The following ADAM22 variants were observed in gnomAD, a reference collection of about 807,000 sequenced individuals.
ADAM22 encodes the protein disintegrin and metalloproteinase domain-containing protein 22.
ADAM22 carries 65 observed loss-of-function variants against 144.6 expected under a neutral mutation model. The ratio of observed to expected loss-of-function variants is 0.45; its 90% confidence interval spans 0.37 to 0.55. ADAM22 has a LOEUF of 0.55. Among genes scored for constraint, ADAM22 ranks in the 20% least tolerant of loss-of-function variants. The pLI, the probability that ADAM22 is intolerant of heterozygous loss-of-function variation, is 0.00. For missense variants in ADAM22, 974 were observed against 1,184.9 expected (o/e 0.82, Z 2.61); for synonymous variants, 391 against 412.6 (o/e 0.95, Z 0.63).
rs374296595 is a variant in ADAM22 at position 88,130,385 on chromosome 7, C to T, written c.754-3C>T. The T allele has an allele frequency of 6.8e-6, 11 of 1,609,488 alleles. No homozygotes were observed. In the Admixed American group the frequency reaches 8.4e-5, roughly 12 times the overall value. On this transcript the variant is annotated splice_region_variant and splice_polypyrimidine_tract_variant and intron_variant, in intron 9 of 31. Coordinates refer to ENST00000413139, the MANE Select transcript of ADAM22 (RefSeq NM_001324418.2). The stretch of plus-strand genomic sequence containing the variant: ...ACCTTCACTTGTTTTCTTTTGCTTT[C>T]AGTTTAAAAAACATCGGCTTTCCGT...
chr7:88,043,458 C>G (rs1169421941), intron 3 of ADAM22, among the ~76,000 whole-genome samples: 1 of 148,588 alleles, frequency 6.7e-6, no homozygotes, highest in Admixed American at 6.8e-5. Context: ...GCACTCCAGC[C>G]TGGGTGACTG....
rs1334272599 is a variant in ADAM22, at chr7:87,934,488, C to T, written c.23C>T (p.Ser8Phe). The stretch of plus-strand genomic sequence containing the variant: ...ACCATGCAGGCGGCAGTGGCTGTGT[C>T]CGTGCCCTTCTTGCTGCTCTGTGTC... MQAAVAV[S>F]VPFLLLCVLG... The change falls in exon 1 of 32, where the codon TCC becomes TTC. Residue 8 changes from serine to phenylalanine, a missense_variant. Coordinates refer to ENST00000413139, the MANE Select transcript of ADAM22 (RefSeq NM_001324418.2). 6.2e-7 allele frequency: 1 copy of T among 1,606,474 alleles called. No homozygotes were observed. Among genetic ancestry groups the T allele is most frequent in the South Asian group, 1.1e-5 (1 of 90,364 alleles).
intron 3 of ADAM22, among the ~76,000 whole-genome samples, chr7:88,051,064 G>A (rs1227300217): frequency 6.6e-6 from 1 of 152,202 alleles, no homozygotes; most frequent in African/African-American, 2.4e-5. Flanking sequence ...AGGTGATGGA[G>A]AGGATGTGGA....
chr7:88,175,064 G>GT (rs1421651741), intron 26 of ADAM22, among the ~76,000 whole-genome samples: 1 of 152,034 alleles, frequency 6.6e-6, no homozygotes. Flanking sequence ...TGGTTAAATG[G>GT]TTTTTTCCTC....
chr7:88,196,031 CT>C (rs1334533922), intron 31 of ADAM22, among the ~76,000 whole-genome samples: 34 of 152,124 alleles, frequency 2.2e-4, no homozygotes, highest in Admixed American at 1.1e-3. Flanking sequence ...GGTGTGGTGC[CT>C]GGGAAGTGGA....
At chr7:88,159,521 A>G (rs1457667756) in intron 22 of ADAM22, among the ~76,000 whole-genome samples, 1 of 152,166 alleles carries the variant, frequency 6.6e-6, no homozygotes, top group African/African-American at 2.4e-5. Context: ...AATACTTGCA[A>G]ACCAAATTGA....
At chr7:88,034,099 T>C (rs1027307157) in intron 3 of ADAM22, among the ~76,000 whole-genome samples, 1 of 152,038 alleles carries the variant, frequency 6.6e-6, no homozygotes, top group African/African-American at 2.4e-5. Flanking sequence ...TCCCTCTGCT[T>C]TTCTCAAGCA....
rs201948105 is a variant in ADAM22 at position 87,935,155 on chromosome 7, C to T, written c.215C>T (p.Thr72Met). The T allele has an allele frequency of 6.2e-7, 1 of 1,611,770 alleles. No individual in the cohort carries two copies. Among genetic ancestry groups the T allele is most frequent in the Non-Finnish European group, 8.5e-7 (1 of 1,178,984 alleles). ...EDESRHDALD[T>M]RVRGDLGGPQ... ...GAAAGTCGGCACGACGCGCTCGACA[C>T]GCGGGTGCGGGGCGACCTCGGTGGC... Residue 72 changes from threonine (T) to methionine (M), a missense_variant, in exon 2 of 32, where the codon ACG becomes ATG. Thr to Met is a moderately conservative substitution (Grantham distance 81). Coordinates refer to ENST00000413139, the MANE Select transcript of ADAM22 (RefSeq NM_001324418.2).
intron 4 of ADAM22, among the ~76,000 whole-genome samples, chr7:88,079,277 T>G (rs1394750928): frequency 6.6e-6 from 1 of 152,048 alleles, no homozygotes; most frequent in Non-Finnish European, 1.5e-5. Context: ...AATAAAATAC[T>G]TTATAGACAA....
chr7:88,150,456 T>C (rs929382702), intron 18 of ADAM22, among the ~76,000 whole-genome samples: 4 of 152,224 alleles, frequency 2.6e-5, no homozygotes, highest in Non-Finnish European at 2.9e-5. Context: ...TGTGCCCTTT[T>C]CTGACATTCT....
At chr7:88,141,254 T>C (rs11973135) in intron 14 of ADAM22, among the ~76,000 whole-genome samples, 1 of 152,132 alleles carries the variant, frequency 6.6e-6, no homozygotes, top group African/African-American at 2.4e-5. Context: ...ATTGCTCAAG[T>C]TGATTAAATT....
intron 14 of ADAM22, among the ~76,000 whole-genome samples, chr7:88,141,747 AAT>A (rs1290071932): frequency 1.3e-5 from 2 of 152,124 alleles, no homozygotes; most frequent in Non-Finnish European, 2.9e-5. Context: ...CTGTTTTATT[AAT>A]ATATATCACA....
intron 2 of ADAM22, among the ~76,000 whole-genome samples, chr7:87,976,502 A>T (rs889823105): frequency 6.6e-6 from 1 of 152,212 alleles, no homozygotes; most frequent in Non-Finnish European, 1.5e-5. Flanking sequence ...CCAACACCTT[A>T]ACCTTGGACT....
At chr7:88,030,272 T>A (rs1799941375) in intron 3 of ADAM22, among the ~76,000 whole-genome samples, 1 of 152,170 alleles carries the variant, frequency 6.6e-6, no homozygotes, top group South Asian at 2.1e-4. Context: ...GACTCTGATG[T>A]ATTCTTCAGT....
intron 2 of ADAM22, among the ~76,000 whole-genome samples, chr7:87,945,625 G>T (rs1843511714): frequency 6.6e-6 from 1 of 150,806 alleles, no homozygotes; most frequent in Non-Finnish European, 1.5e-5. Context: ...CGATTCTCCT[G>T]CCTCAGCCTC....
chr7:87,987,190 TA>T (rs1330905315), intron 3 of ADAM22, among the ~76,000 whole-genome samples: 1 of 152,154 alleles, frequency 6.6e-6, no homozygotes, highest in Non-Finnish European at 1.5e-5. Context: ...TTATTTTAAT[TA>T]TTTTTTTTGG....
chr7:88,091,131 C>A (rs1819729604), intron 4 of ADAM22, among the ~76,000 whole-genome samples: 1 of 152,132 alleles, frequency 6.6e-6, no homozygotes, highest in Admixed American at 6.6e-5. Flanking sequence ...CATATACTGT[C>A]TATTAACTCA....
chr7:88,013,434 T>C (rs1255474561), intron 3 of ADAM22, among the ~76,000 whole-genome samples: 1 of 152,152 alleles, frequency 6.6e-6, no homozygotes, highest in Non-Finnish European at 1.5e-5. Flanking sequence ...TTATTAATTT[T>C]CATTTTTTGT....
intron 13 of ADAM22, among the ~76,000 whole-genome samples, chr7:88,135,446 C>A (rs1021401606): frequency 3.3e-5 from 5 of 152,036 alleles, no homozygotes; most frequent in Admixed American, 1.3e-4. Flanking sequence ...GTGACTAGCT[C>A]TTACAAGTAT....
Sources: gnomAD v4.1 joint callset for allele counts (sites outside exome capture counted in the v4.1 genomes callset) on GRCh38, gnomAD v4.1.1 for gene constraint, MANE v1.5 for transcripts, NCBI Gene and HGNC (gene_info 2026-07-23, HGNC 2026-07-21) for gene names.